C14orf132: variants seen among roughly 807,000 people sequenced by gnomAD.
C14orf132 encodes uncharacterized protein C14orf132.
C14orf132 carries 6 observed loss-of-function variants against 5.8 expected under a neutral mutation model. The ratio of observed to expected loss-of-function variants is 1.03; its 90% CI spans 0.57 to 2.04. C14orf132 has a LOEUF of 2.04. C14orf132 is among the 30% of genes most tolerant of loss of function. C14orf132 has a pLI of 0.00. For missense variants in C14orf132, 125 were observed against 115.8 expected (o/e 1.08, Z -0.37); for synonymous variants, 51 against 49.8 (o/e 1.02, Z -0.10).
At chr14:96,084,957 G>T (rs1888135588) in intron 1 of C14orf132, among the ~76,000 whole-genome samples, 1 of 152,216 alleles carries the variant, frequency 6.6e-6, no homozygotes, top group Non-Finnish European at 1.5e-5. Context: ...GAGCTTCTGA[G>T]CAGCAGCTGC....
At chr14:96,063,884 TAAAC>T (rs1180424452) in intron 1 of C14orf132, among the ~76,000 whole-genome samples, 1 of 151,734 alleles carries the variant, frequency 6.6e-6, no homozygotes, top group Non-Finnish European at 1.5e-5. Context: ...ATAAAAAAAA[TAAAC>T]AATCCCATCA....
chr14:96,081,761 G>A lies in C14orf132; in HGVS notation c.28-4750G>A, dbSNP rs980126487. 9.2e-5 allele frequency among the ~76,000 whole-genome samples: 14 copies of A among 151,980 alleles called. No individual in the cohort carries two copies. The East Asian group carries it at 2.3e-3, about 25-fold the overall frequency. On this transcript the variant is annotated intron_variant, in intron 1 of 1. Transcript: ENST00000555004. Reference sequence around the variant, plus strand: ...CCACAAGTGTGCACCACCACACTCCGCTAATTTTTTTTATATTTTGTAGAG... The same window carrying A: ...CCACAAGTGTGCACCACCACACTCCACTAATTTTTTTTATATTTTGTAGAG...
At chr14:96,069,445 A>G (rs893878229) in intron 1 of C14orf132, among the ~76,000 whole-genome samples, 10 of 152,096 alleles carry the variant, frequency 6.6e-5, no homozygotes, top group African/African-American at 2.4e-4. Flanking sequence ...CTTTGGAAAT[A>G]TTTAAACTAT....
Position 96,093,862 on chromosome 14 carries a change from C to T in C14orf132, c.*7127C>T, listed in dbSNP as rs187018193. The T allele has an allele frequency of 3.2e-4, 49 of 152,312 alleles. No individual in the cohort carries two copies. The highest frequency in any genetic ancestry group is 1.2e-3 in the African/African-American group (48 of 41,552). 9.4% of individuals were successfully genotyped at this position (152,312 alleles called of 1,614,324 possible). ...CTGTTGTCATTTTCTATTATGATAA[C>T]TGAAAAGAGAAAAGAAGAAAACATG... On this transcript the variant is annotated 3_prime_UTR_variant, in exon 2 of 2. Coordinates refer to ENST00000555004, the MANE Select transcript of C14orf132 (RefSeq NM_001252507.3).
chr14:96,070,596 T>TCTCTCTCA lies in C14orf132; in HGVS notation c.28-15914_28-15913insTCTCTCAC, dbSNP rs755530241. ...GGTAGATGAAGTCTCTCTCTCTCTC[T>TCTCTCTCA]CACACACACACACACACACACACAC... On this transcript the variant is annotated intron_variant, in intron 1 of 1. Coordinates refer to ENST00000555004, the MANE Select transcript of C14orf132 (RefSeq NM_001252507.3). Among the ~76,000 whole-genome samples the TCTCTCTCA allele has an allele frequency of 2.0e-3, 284 of 142,664 alleles. 1 individual carries two copies. In the South Asian group the frequency reaches 0.022, roughly 11 times the overall value. 93.6% of individuals were successfully genotyped at this position (142,664 alleles called of 152,430 possible).
rs1301286126 is a variant in C14orf132 at position 96,079,762 on chromosome 14, T to C, written c.28-6749T>C. On this transcript the variant is annotated intron_variant, in intron 1 of 1. Transcript: ENST00000555004. ...TCTTCTCTGGAATTTTCTGATGTGCTAGGTCCCCCAGAGAGCCTGGGCCAC... is the reference window on the plus strand; with the variant it reads ...TCTTCTCTGGAATTTTCTGATGTGCCAGGTCCCCCAGAGAGCCTGGGCCAC... Among the ~76,000 whole-genome samples the C allele has an allele frequency of 3.9e-5, 6 of 152,298 alleles. 1 individual carries two copies. In the East Asian group the frequency reaches 9.7e-4, roughly 25 times the overall value.
chr14:96,063,724 A>G (rs915669003), intron 1 of C14orf132, among the ~76,000 whole-genome samples: 38 of 152,280 alleles, frequency 2.5e-4, no homozygotes, highest in African/African-American at 8.9e-4. Flanking sequence ...AATAGCTGGG[A>G]CCTAATTATT....
At position 96,057,193 on chromosome 14, in the gene C14orf132, A is replaced by AC. The variant is rs569141850; in HGVS notation, c.27+17666_27+17667insC. ...GGAAGTGATTAGACCGTGAGGGCTT[A>AC]ACCCCCTCATGAATGGATTAATGCC... On this transcript the variant is annotated intron_variant, in intron 1 of 1. Coordinates refer to ENST00000555004, the MANE Select transcript of C14orf132 (RefSeq NM_001252507.3). Among the ~76,000 whole-genome samples, 861 of 152,066 alleles carry AC rather than the reference A, an allele frequency of 5.7e-3. 9 individuals are homozygous for AC. Among genetic ancestry groups the AC allele is most frequent in the African/African-American group, 0.02 (828 of 41,304 alleles).
chr14:96,051,813 G>A (rs1436833265), intron 1 of C14orf132, among the ~76,000 whole-genome samples: 1 of 152,176 alleles, frequency 6.6e-6, no homozygotes, highest in African/African-American at 2.4e-5. Flanking sequence ...GGGGAATGTG[G>A]AAAGCCAGAA....
intron 1 of C14orf132, among the ~76,000 whole-genome samples, chr14:96,057,479 C>T (rs546735071): frequency 2.0e-5 from 3 of 152,126 alleles, no homozygotes; most frequent in African/African-American, 7.2e-5. Context: ...AAACGAAGAC[C>T]GGTTCCAATG....
intron 1 of C14orf132, among the ~76,000 whole-genome samples, chr14:96,080,864 G>A (rs61090338): frequency 0.22 from 33,453 of 152,148 alleles, 4,023 homozygotes; most frequent in Non-Finnish European, 0.27. Context: ...TGAATTCAGA[G>A]AGCACTTAAT....
chr14:96,044,999 G>A (rs1886794602), intron 1 of C14orf132, among the ~76,000 whole-genome samples: 1 of 152,214 alleles, frequency 6.6e-6, no homozygotes, highest in African/African-American at 2.4e-5. Context: ...TAAAGGATAA[G>A]CATCTTGGCC....
In C14orf132 at chr14:96,039,457, G is replaced by A. The variant is rs1886622421; in HGVS notation, c.-44G>A. 2 of 1,479,742 alleles carry A rather than the reference G, an allele frequency of 1.4e-6. No individual in the cohort carries two copies. The highest frequency in any genetic ancestry group is 1.8e-6 in the Non-Finnish European group (2 of 1,115,494). 91.7% of individuals were successfully genotyped at this position (1,479,742 alleles called of 1,614,324 possible). On this transcript the variant is annotated 5_prime_UTR_variant, in exon 1 of 2. Coordinates refer to ENST00000555004, the MANE Select transcript of C14orf132 (RefSeq NM_001252507.3). The surrounding 1 kb of genome is among the most constrained non-coding windows in gnomAD (Gnocchi z 5.3). The stretch of plus-strand genomic sequence containing the variant: ...CTGTGCAGGCGGCTGACCCGCAGCG[G>A]CAGCGGCAGCAGCGAGGACTCGAGC...
intron 1 of C14orf132, among the ~76,000 whole-genome samples, chr14:96,083,666 G>C (rs1191174623): frequency 6.6e-6 from 1 of 152,230 alleles, no homozygotes; most frequent in East Asian, 1.9e-4. Flanking sequence ...GGAAAGGCGA[G>C]AAAACAGATT....
intron 1 of C14orf132, 143 bp from the exon 2 acceptor site, chr14:96,086,368 C>T (rs866702643): frequency 7.6e-5 from 54 of 709,428 alleles, no homozygotes; most frequent in Middle Eastern, 7.0e-4. Flanking sequence ...ATGATAAAAC[C>T]ACAAAAGCAA....
At position 96,086,679 on chromosome 14, in the gene C14orf132, A is replaced by G. The variant is rs1269133951; in HGVS notation, c.196A>G (p.Ile66Val). 1.4e-5 allele frequency: 22 copies of G among 1,536,084 alleles called. No individual in the cohort carries two copies. Among genetic ancestry groups the G allele is most frequent in the Non-Finnish European group, 1.6e-5 (18 of 1,146,926 alleles). The change falls in exon 2 of 2, where the codon ATA becomes GTA. Residue 66 changes from isoleucine (I) to valine (V), a missense_variant. Ile to Val is a conservative substitution (Grantham distance 29). Transcript: ENST00000555004. Reference protein sequence around the residue: ...NDAVLLWIAIIATLGNIVVVG... With the variant: ...NDAVLLWIAIVATLGNIVVVG... Reference sequence around the variant, plus strand: ...CGCCGTCTTGCTATGGATTGCCATCATAGCTACGCTGGGGAACATCGTGGT... The same window carrying G: ...CGCCGTCTTGCTATGGATTGCCATCGTAGCTACGCTGGGGAACATCGTGGT...
chr14:96,040,967 T>A (rs545519345), intron 1 of C14orf132, among the ~76,000 whole-genome samples: 2 of 152,324 alleles, frequency 1.3e-5, no homozygotes, highest in East Asian at 3.9e-4. Flanking sequence ...AACTGATCCC[T>A]GCTAACCCTG....
At chr14:96,074,074 C>A (rs1887789203) in intron 1 of C14orf132, among the ~76,000 whole-genome samples, 1 of 152,150 alleles carries the variant, frequency 6.6e-6, no homozygotes, top group African/African-American at 2.4e-5. Flanking sequence ...CTAATGGAGG[C>A]CGGGCTTAAT....
chr14:96,059,724 T>G (rs1887289420), intron 1 of C14orf132, among the ~76,000 whole-genome samples: 1 of 152,186 alleles, frequency 6.6e-6, no homozygotes, highest in Admixed American at 6.5e-5. Context: ...TGGTCCCGCC[T>G]TTCCTCCTCC....
Sources: gnomAD v4.1 joint callset for allele counts (sites outside exome capture counted in the v4.1 genomes callset) on GRCh38, gnomAD v4.1.1 for gene constraint, Gnocchi (gnomAD v3.1) non-coding constraint, MANE v1.5 for transcripts, NCBI Gene and HGNC (gene_info 2026-07-23, HGNC 2026-07-21) for gene names.